The following CCDC83 variants were observed in gnomAD, a reference collection of about 807,000 sequenced individuals.
CCDC83 encodes the protein coiled-coil domain containing 83, also known as coiled-coil domain-containing protein 83.
Under a neutral mutation model 50.1 loss-of-function variants are expected in CCDC83, and 54 were observed. The ratio of observed to expected loss-of-function variants is 1.08; its 90% CI spans 0.87 to 1.35. The LOEUF (loss-of-function observed/expected upper bound fraction) is 1.35. Among genes scored for constraint, CCDC83 ranks in the 40% most tolerant of loss-of-function variants. The probability of loss-of-function intolerance (pLI) is 0.00; values close to 1 mark genes in which losing one functional copy is unlikely to be tolerated. For synonymous variants in CCDC83, 161 were observed against 153.3 expected (o/e 1.05, Z -0.37); for missense variants, 518 against 473.9 (o/e 1.09, Z -0.86).
intron 8 of CCDC83, among the ~76,000 whole-genome samples, chr11:85,911,762 G>T (rs903312903): frequency 6.6e-6 from 1 of 152,202 alleles, no homozygotes; most frequent in African/African-American, 2.4e-5. Context: ...TAGCACAGAG[G>T]AGGAGGTGAT....
intron 3 of CCDC83, among the ~76,000 whole-genome samples, chr11:85,879,253 G>C (rs938036553): frequency 1.3e-5 from 2 of 151,986 alleles, no homozygotes; most frequent in African/African-American, 4.8e-5. Context: ...TAAAATTTTT[G>C]TAGTTTCACC....
chr11:85,915,603 T>A, intron 9 of CCDC83, 105 bp downstream of exon 9: 2 of 734,488 alleles, frequency 2.7e-6, no homozygotes, highest in Non-Finnish European at 4.5e-6. Context: ...ACAAAAGCTA[T>A]TCAGAGAATA....
rs1212112228 is a variant in CCDC83, at chr11:85,865,169, C to A, written c.46C>A (p.Pro16Thr). 9 of 1,612,792 alleles carry A rather than the reference C, an allele frequency of 5.6e-6. No homozygotes were observed. The highest frequency in any genetic ancestry group is 7.6e-6 in the Non-Finnish European group (9 of 1,179,044). Residue 16 changes from proline (P) to threonine (T), a missense_variant, in exon 2 of 11, where the codon CCA becomes ACA. Transcript: ENST00000342404. ...KANKKDTHDG[P>T]PKEIKLPTSE... is the part of the protein sequence containing the mutation. ...AAATAAAAAGGATACACATGACGGGCCACCAAAAGAAATTAAACTGCCTAC... is the reference window on the plus strand; with the variant it reads ...AAATAAAAAGGATACACATGACGGGACACCAAAAGAAATTAAACTGCCTAC...
At position 85,886,344 on chromosome 11, in the gene CCDC83, A is replaced by C; in HGVS notation, c.488A>C (p.Lys163Thr). ...TTACAAAATGACATCAACACAGTTA[A>C]AGAGAATGCAGAGAAAATGTCAGGT... ...TSLQNDINTV[K>T]ENAEKMSEHY... Residue 163 changes from lysine to threonine, a missense_variant, in exon 5 of 11, where the codon AAA (lysine) becomes ACA (threonine). Transcript: ENST00000342404. 6.3e-7 allele frequency: 1 copy of C among 1,596,190 alleles called. No individual in the cohort carries two copies. Among genetic ancestry groups the C allele is most frequent in the Non-Finnish European group, 8.5e-7 (1 of 1,174,206 alleles).
intron 2 of CCDC83, among the ~76,000 whole-genome samples, chr11:85,868,172 G>C (rs904885367): frequency 3.3e-5 from 5 of 152,184 alleles, no homozygotes; most frequent in Non-Finnish European, 7.3e-5. Flanking sequence ...TGTTTGTGAA[G>C]AGCTGATACT....
intron 1 of CCDC83, among the ~76,000 whole-genome samples, chr11:85,856,759 G>A (rs974600520): frequency 6.6e-6 from 1 of 151,892 alleles, no homozygotes; most frequent in African/African-American, 2.4e-5. Flanking sequence ...TTTCCAAACC[G>A]GGCAAATTTT....
At chr11:85,871,070 G>A (rs991544779) in intron 2 of CCDC83, among the ~76,000 whole-genome samples, 3 of 152,180 alleles carry the variant, frequency 2.0e-5, no homozygotes, top group African/African-American at 7.2e-5. Context: ...GGGAGGCTGA[G>A]GTGGGACAAG....
At chr11:85,905,573 T>G (rs1274386097) in intron 7 of CCDC83, among the ~76,000 whole-genome samples, 2 of 146,798 alleles carry the variant, frequency 1.4e-5, no homozygotes, top group East Asian at 2.1e-4. Context: ...TTGTGCTACT[T>G]TACTCCAGCC....
Position 85,919,316 on chromosome 11 carries a change from T to C in CCDC83, c.1081-33T>C, listed in dbSNP as rs1417993864. 1.9e-6 allele frequency: 3 copies of C among 1,551,368 alleles called. No homozygotes were observed. In the African/African-American group the frequency reaches 4.2e-5, roughly 22 times the overall value. ...CAAGCTGGTAATTTGCTGAATCACC[T>C]CTCCTATTCTTTTTTGTGCCTGTTC... On this transcript the variant is annotated intron_variant, in intron 10 of 10. Coordinates refer to ENST00000342404, the MANE Select transcript of CCDC83 (RefSeq NM_001286159.2).
At position 85,915,426 on chromosome 11, in the gene CCDC83, T is replaced by C; in HGVS notation, c.802T>C (p.Tyr268His). The C allele has an allele frequency of 6.2e-7, 1 of 1,611,774 alleles. No homozygotes were observed. The highest frequency in any genetic ancestry group is 8.5e-7 in the Non-Finnish European group (1 of 1,178,806). ...LVDLKIPRRLYLTQAAGLEVP... is the reference protein window; with the variant it reads ...LVDLKIPRRLHLTQAAGLEVP... The stretch of plus-strand genomic sequence containing the variant: ...TCTCATTTGTTCTTTTAGGCGACTA[T>C]ATCTTACCCAAGCTGCTGGACTAGA... Residue 268 changes from tyrosine (Y) to histidine (H), a missense_variant, in exon 9 of 11, where the codon TAT becomes CAT. Tyr to His is a moderately conservative substitution (Grantham distance 83). Transcript: ENST00000342404.
At chr11:85,871,036 G>A (rs1313082522) in intron 2 of CCDC83, among the ~76,000 whole-genome samples, 7 of 152,090 alleles carry the variant, frequency 4.6e-5, no homozygotes, top group South Asian at 2.1e-4. Context: ...GTGTGGTGGC[G>A]TGTGCCTGTA....
At chr11:85,916,409 T>C in intron 10 of CCDC83, 176 bp downstream of exon 10, 1 of 601,932 alleles carries the variant, frequency 1.7e-6, no homozygotes, top group East Asian at 2.9e-5. Context: ...CTCCTACTCT[T>C]GCCCAATTTG....
chr11:85,899,090 C>T, intron 7 of CCDC83, 75 bp downstream of exon 7: 1 of 1,114,952 alleles, frequency 9.0e-7, no homozygotes, highest in Non-Finnish European at 1.4e-6. Context: ...TAATTATGAA[C>T]TGAAGTCATG....
intron 10 of CCDC83, among the ~76,000 whole-genome samples, chr11:85,917,163 A>G (rs550369983): frequency 5.3e-4 from 53 of 99,114 alleles, no homozygotes; most frequent in East Asian, 2.3e-3. Flanking sequence ...AGAGAGAGAG[A>G]GAGAGAAAGA....
Position 85,893,466 on chromosome 11 carries a change from G to C in CCDC83, c.512-1827G>C, listed in dbSNP as rs183595250. 1.8e-3 allele frequency among the ~76,000 whole-genome samples: 281 copies of C among 152,226 alleles called. 1 individual carries two copies. Among genetic ancestry groups the C allele is most frequent in the African/African-American group, 6.5e-3 (271 of 41,542 alleles). ...ATAAAATCCCTGAGGGTTCTGCTTT[G>C]GCTGACTTGGTCTGTGAAGAAAATT... is the stretch of plus-strand genomic sequence containing the variant. On this transcript the variant is annotated intron_variant, in intron 5 of 10. Transcript: ENST00000342404.
intron 2 of CCDC83, among the ~76,000 whole-genome samples, chr11:85,868,159 G>T (rs1184939666): frequency 6.6e-6 from 1 of 152,160 alleles, no homozygotes; most frequent in African/African-American, 2.4e-5. Flanking sequence ...GAACTTCTAT[G>T]GTTGTTTGTG....
In CCDC83 at chr11:85,917,478, T is replaced by A. The variant is rs144287489; in HGVS notation, c.1080+1245T>A. ...TAAGAGAAGCACTTGGGATAGGATA[T>A]GAATTAGGCTATCTTTGGAAAGTAC... On this transcript the variant is annotated intron_variant, in intron 10 of 10. Transcript: ENST00000342404. Among the ~76,000 whole-genome samples the A allele has an allele frequency of 2.8e-3, 421 of 152,316 alleles. 2 individuals are homozygous for A. The highest frequency in any genetic ancestry group is 9.2e-3 in the African/African-American group (381 of 41,570).
At chr11:85,901,568 G>A (rs1437929824) in intron 7 of CCDC83, among the ~76,000 whole-genome samples, 2 of 111,700 alleles carry the variant, frequency 1.8e-5, no homozygotes, top group African/African-American at 6.9e-5. Flanking sequence ...TTGAGACTCT[G>A]TCTCAAAAAT....
intron 10 of CCDC83, among the ~76,000 whole-genome samples, chr11:85,917,170 A>AGAGAG (rs1565160046): frequency 5.5e-3 from 326 of 58,876 alleles, no homozygotes; most frequent in African/African-American, 0.011. Context: ...GAGAGAGAGA[A>AGAGAG]AGAAAGAAAG....
Sources: allele counts gnomAD v4.1 joint callset (sites outside exome capture counted in the v4.1 genomes callset), GRCh38; gene constraint gnomAD v4.1.1; transcripts MANE v1.5; gene names NCBI Gene and HGNC (gene_info 2026-07-23, HGNC 2026-07-21).